Variants in NLGN1 observed in about 807,000 individuals in gnomAD.
NLGN1 encodes the protein neuroligin 1.
NLGN1 carries 12 observed loss-of-function variants against 65.5 expected under a neutral mutation model. The observed-to-expected ratio is 0.18, with a 90% CI of 0.12 to 0.30. The LOEUF (loss-of-function observed/expected upper bound fraction) is 0.30, where lower values mean the gene tolerates loss of function less well. NLGN1 is among the 10% of genes least tolerant of loss of function. The probability of loss-of-function intolerance (pLI) is 1.00; values close to 1 mark genes in which losing one functional copy is unlikely to be tolerated. For synonymous variants in NLGN1, 350 were observed against 359.5 expected, an observed-to-expected ratio of 0.97 and a Z score of 0.30; for missense variants, 750 against 1,007.1, an observed-to-expected ratio of 0.74 and a Z score of 3.46.
At position 173,890,867 on chromosome 3, in the gene NLGN1, T is replaced by C. The variant is rs1409794735; in HGVS notation, c.646+83035T>C. 2.0e-5 allele frequency among the ~76,000 whole-genome samples: 3 copies of C among 152,080 alleles called. No homozygotes were observed. The East Asian group carries it at 5.8e-4, about 29-fold the overall frequency. ...TGGCATGGCAATTCTCAGCTACAAA[T>C]TGAAAAAGAATTGGTTGCACCTGTA... On this transcript the variant is annotated intron_variant, in intron 4 of 6. Transcript: ENST00000457714.
At chr3:173,482,394 C>G (rs376639104) in intron 2 of NLGN1, among the ~76,000 whole-genome samples, 1 of 151,856 alleles carries the variant, frequency 6.6e-6, no homozygotes, top group Non-Finnish European at 1.5e-5. Context: ...CCAGGTGGAT[C>G]TGATCTCTTC....
At chr3:174,160,457 TTTC>T (rs1296729359) in intron 4 of NLGN1, among the ~76,000 whole-genome samples, 1 of 151,732 alleles carries the variant, frequency 6.6e-6, no homozygotes, top group Non-Finnish European at 1.5e-5. Context: ...TAACAATGAA[TTTC>T]TTATTTACAA....
intron 3 of NLGN1, among the ~76,000 whole-genome samples, chr3:173,744,583 GA>G (rs1775086944): frequency 6.6e-6 from 1 of 152,104 alleles, no homozygotes; most frequent in Non-Finnish European, 1.5e-5. Flanking sequence ...GCTGAGATCC[GA>G]GAGATAAGTA....
intron 4 of NLGN1, among the ~76,000 whole-genome samples, chr3:174,224,799 C>T (rs1025296392): frequency 6.6e-6 from 1 of 152,146 alleles, no homozygotes; most frequent in Non-Finnish European, 1.5e-5. Context: ...ACTAGGCTTT[C>T]ATCTTGAGAT....
At chr3:173,991,516 G>A (rs2152412489) in intron 4 of NLGN1, among the ~76,000 whole-genome samples, 1 of 152,234 alleles carries the variant, frequency 6.6e-6, no homozygotes, top group South Asian at 2.1e-4. Context: ...CTAGCCACAC[G>A]TGTCTATTGA....
At chr3:173,736,509 T>A (rs1336033970) in intron 3 of NLGN1, among the ~76,000 whole-genome samples, 1 of 151,988 alleles carries the variant, frequency 6.6e-6, no homozygotes, top group East Asian at 1.9e-4. Context: ...GACCAGAACA[T>A]AGTTGTAAGA....
Position 174,264,665 on chromosome 3 carries a change from A to G in NLGN1, c.647-10650A>G, listed in dbSNP as rs1442507232. On this transcript the variant is annotated intron_variant, in intron 4 of 6. Transcript: ENST00000457714. ...AGCTCAGAGTAATTTGATCGTCTGA[A>G]GCCTTCTCCCCTCAGCTCGTCAAAG... Among the ~76,000 whole-genome samples the G allele has an allele frequency of 2.6e-3, 399 of 150,748 alleles. 1 individual carries two copies. Among genetic ancestry groups the G allele is most frequent in the African/African-American group, 9.4e-3 (385 of 41,040 alleles).
chr3:173,478,906 A>T (rs778761636), intron 2 of NLGN1, among the ~76,000 whole-genome samples: 2 of 150,714 alleles, frequency 1.3e-5, no homozygotes, highest in Non-Finnish European at 3.0e-5. Flanking sequence ...AAAAAAAAAA[A>T]GAAAAAGAAA....
At chr3:173,765,435 C>A (rs181795555) in intron 3 of NLGN1, among the ~76,000 whole-genome samples, 79 of 152,166 alleles carry the variant, frequency 5.2e-4, no homozygotes, top group African/African-American at 1.8e-3. Flanking sequence ...AAATAAAAAA[C>A]CAAGAGGAAA....
At chr3:173,704,454 T>C (rs1385232111) in intron 3 of NLGN1, among the ~76,000 whole-genome samples, 1 of 152,134 alleles carries the variant, frequency 6.6e-6, no homozygotes, top group Non-Finnish European at 1.5e-5. Context: ...GAGACACTTT[T>C]CAAAAGTGCT....
At chr3:173,716,363 C>T (rs1027380299) in intron 3 of NLGN1, among the ~76,000 whole-genome samples, 3 of 151,944 alleles carry the variant, frequency 2.0e-5, no homozygotes, top group Admixed American at 2.0e-4. Flanking sequence ...TAAAATATAC[C>T]ACCTATACAT....
intron 4 of NLGN1, among the ~76,000 whole-genome samples, chr3:174,199,626 A>G (rs1032341660): frequency 1.3e-5 from 2 of 152,020 alleles, no homozygotes; most frequent in Non-Finnish European, 2.9e-5. Context: ...GCCTGAGGTA[A>G]GGACAGAGGT....
chr3:174,260,358 CTT>C (rs1009378969), intron 4 of NLGN1, among the ~76,000 whole-genome samples: 8 of 149,258 alleles, frequency 5.4e-5, no homozygotes, highest in African/African-American at 2.0e-4. Context: ...TGTTTCCTGA[CTT>C]TTTAATGATT....
intron 4 of NLGN1, among the ~76,000 whole-genome samples, chr3:173,812,776 T>C (rs1718229135): frequency 6.8e-6 from 1 of 146,954 alleles, no homozygotes; most frequent in African/African-American, 2.5e-5. Flanking sequence ...TATATATGTG[T>C]GTGTATATAT....
chr3:173,757,466 C>G (rs557850179), intron 3 of NLGN1, among the ~76,000 whole-genome samples: 1 of 151,990 alleles, frequency 6.6e-6, no homozygotes, highest in South Asian at 2.1e-4. Context: ...AAACCATTTA[C>G]TATGGTTTAA....
chr3:174,046,043 T>TA (rs1733508449), intron 4 of NLGN1, among the ~76,000 whole-genome samples: 1 of 152,194 alleles, frequency 6.6e-6, no homozygotes, highest in Admixed American at 6.5e-5. Context: ...ATTATACTCT[T>TA]AGTGTTTCAA....
rs577507538 is a variant in NLGN1 at position 173,419,689 on chromosome 3, G to T, written c.-389-15321G>T. ...TTTATCTGATATAATAGTGACCCCT[G>T]GTTGGGCGTGGTGGCTCATGCCTGT... On this transcript the variant is annotated intron_variant, in intron 1 of 6. Transcript: ENST00000457714. Among the ~76,000 whole-genome samples, 9 of 152,244 alleles carry T rather than the reference G, an allele frequency of 5.9e-5. No individual in the cohort carries two copies. In the East Asian group the frequency reaches 1.5e-3, roughly 26 times the overall value.
At chr3:174,127,489 GCTCTGAAATAGTAATACTCC>G (rs1719192929) in intron 4 of NLGN1, among the ~76,000 whole-genome samples, 1 of 151,840 alleles carries the variant, frequency 6.6e-6, no homozygotes, top group East Asian at 1.9e-4. Context: ...CAGGTGTAGG[GCTCTGAAATAGTAATACTCC>G]CTCCTTCTTC....
At chr3:174,195,926 A>G (rs1438450334) in intron 4 of NLGN1, among the ~76,000 whole-genome samples, 2 of 152,176 alleles carry the variant, frequency 1.3e-5, no homozygotes, top group Non-Finnish European at 2.9e-5. Flanking sequence ...CCACACCTGG[A>G]GAGTAAACGT....
Sources: gnomAD v4.1 joint callset for allele counts (sites outside exome capture counted in the v4.1 genomes callset) on GRCh38, gnomAD v4.1.1 for gene constraint, MANE v1.5 for transcripts, NCBI Gene and HGNC (gene_info 2026-07-23, HGNC 2026-07-21) for gene names.